Variants in GRAMD4 observed in about 807,000 individuals in gnomAD.
The protein encoded by GRAMD4 is GRAM domain containing 4, also known as GRAM domain-containing protein 4.
Under a neutral mutation model 83.9 loss-of-function variants are expected in GRAMD4, and 25 were observed. The observed-to-expected ratio is 0.30, with a 90% confidence interval of 0.22 to 0.42. The LOEUF (loss-of-function observed/expected upper bound fraction) is 0.42, where lower values mean the gene tolerates loss of function less well. Ranked by LOEUF, GRAMD4 falls within the 10% of genes least tolerant of loss-of-function variation. The probability of loss-of-function intolerance (pLI) is 1.00; values close to 1 mark genes in which losing one functional copy is unlikely to be tolerated. For missense variants in GRAMD4, 593 were observed against 788.7 expected, an observed-to-expected ratio of 0.75 and a Z score of 2.97; for synonymous variants, 336 against 320.9, an observed-to-expected ratio of 1.05 and a Z score of -0.50.
At chr22:46,646,888 T>G (rs2082079847) in intron 3 of GRAMD4, among the ~76,000 whole-genome samples, 1 of 152,130 alleles carries the variant, frequency 6.6e-6, no homozygotes, top group Non-Finnish European at 1.5e-5. Flanking sequence ...GAGGAGCAAG[T>G]CACATCTTAC....
At chr22:46,658,654 C>T (rs1052132627) in intron 4 of GRAMD4, among the ~76,000 whole-genome samples, 11 of 152,106 alleles carry the variant, frequency 7.2e-5, no homozygotes, top group African/African-American at 1.2e-4. Context: ...GCTCTGATCC[C>T]GGCCTGCTGG....
chr22:46,656,847 T>C (rs2147319336), intron 3 of GRAMD4, among the ~76,000 whole-genome samples: 1 of 152,362 alleles, frequency 6.6e-6, no homozygotes, highest in Non-Finnish European at 1.5e-5. Context: ...GTCCGCCCCA[T>C]GGTCAGTGTG....
At chr22:46,584,749 CAGG>C (rs1380792371) in intron 1 of GRAMD4, among the ~76,000 whole-genome samples, 3 of 152,178 alleles carry the variant, frequency 2.0e-5, no homozygotes, top group Non-Finnish European at 4.4e-5. Context: ...AGGGAGGCTG[CAGG>C]AGAACCAGGG....
intron 1 of GRAMD4, among the ~76,000 whole-genome samples, chr22:46,605,640 G>A (rs1318747319): frequency 4.6e-5 from 7 of 152,248 alleles, no homozygotes; most frequent in South Asian, 2.1e-4. Flanking sequence ...GATCATGGCC[G>A]TCCTAATGGG....
intron 3 of GRAMD4, among the ~76,000 whole-genome samples, chr22:46,655,351 GA>G (rs1373958356): frequency 6.6e-6 from 1 of 152,176 alleles, no homozygotes. Flanking sequence ...TTCTAAGCGG[GA>G]AAGCAACAAG....
chr22:46,635,919 A>G (rs963114543), intron 2 of GRAMD4, among the ~76,000 whole-genome samples: 1 of 152,120 alleles, frequency 6.6e-6, no homozygotes, highest in African/African-American at 2.4e-5. Flanking sequence ...AGGGCAGTGC[A>G]GGGGTCCAGC....
intron 1 of GRAMD4, among the ~76,000 whole-genome samples, chr22:46,597,512 C>A (rs367915516): frequency 6.6e-6 from 1 of 152,104 alleles, no homozygotes; most frequent in African/African-American, 2.4e-5. Flanking sequence ...TTTTTTGAGA[C>A]GGAGTCTCGC....
In GRAMD4 at chr22:46,678,942, G is replaced by A. The variant is rs1329995544; in HGVS notation, c.*1691G>A. Reference sequence around the variant, plus strand: ...GACGTTGGCGTCAGGATGACCACACGGCGGCCTTTCCCGAATGGGGACAGA... The same window carrying A: ...GACGTTGGCGTCAGGATGACCACACAGCGGCCTTTCCCGAATGGGGACAGA... On this transcript the variant is annotated 3_prime_UTR_variant, in exon 19 of 19. Transcript: ENST00000406902. The A allele has an allele frequency of 1.3e-5, 13 of 985,722 alleles. No homozygotes were observed. The highest frequency in any genetic ancestry group is 1.0e-4 in the African/African-American group (6 of 57,238). The allele number at this position is 985,722 out of a possible 1,614,324, so 61.1% of individuals were successfully genotyped here.
chr22:46,673,521 G>A, intron 14 of GRAMD4, 149 bp from the exon 15 acceptor site: 3 of 975,128 alleles, frequency 3.1e-6, no homozygotes, highest in South Asian at 1.5e-5. Context: ...CTGCCTGGAA[G>A]AAGGAGCCGC....
At chr22:46,600,059 G>T (rs971424635) in intron 1 of GRAMD4, among the ~76,000 whole-genome samples, 1 of 152,204 alleles carries the variant, frequency 6.6e-6, no homozygotes, top group African/African-American at 2.4e-5. Flanking sequence ...GCGGAGAGTG[G>T]AAGAGTCCTT....
intron 1 of GRAMD4, among the ~76,000 whole-genome samples, chr22:46,607,279 G>A (rs571771767): frequency 4.6e-5 from 7 of 152,078 alleles, no homozygotes; most frequent in Non-Finnish European, 8.8e-5. Flanking sequence ...AACCAACATG[G>A]CACGTGCATA....
exon 1 of GRAMD4, chr22:46,577,276 C>A (rs1485216876): frequency 1.0e-6 from 1 of 979,412 alleles, no homozygotes; most frequent in Admixed American, 6.4e-5. Context: ...GAGTTGGCCC[C>A]GATATCCGCT....
At chr22:46,624,204 C>T (rs2081619182) in intron 1 of GRAMD4, among the ~76,000 whole-genome samples, 1 of 142,014 alleles carries the variant, frequency 7.0e-6, no homozygotes, top group Admixed American at 7.0e-5. Context: ...GAGCTTTTTA[C>T]TTTTGCCTGG....
intron 3 of GRAMD4, among the ~76,000 whole-genome samples, chr22:46,655,617 G>A (rs1309801798): frequency 6.6e-6 from 1 of 152,204 alleles, no homozygotes; most frequent in Non-Finnish European, 1.5e-5. Flanking sequence ...AGAGGGCTGG[G>A]GGGTAGCTCC....
intron 1 of GRAMD4, among the ~76,000 whole-genome samples, chr22:46,609,112 A>AC (rs1555956654): frequency 2.0e-5 from 3 of 151,124 alleles, no homozygotes; most frequent in African/African-American, 7.3e-5. Flanking sequence ...CTAAAAAAAA[A>AC]AACAACAACA....
rs534831839 is a variant in GRAMD4 at position 46,635,741 on chromosome 22, C to G, written c.163-2099C>G. ...CTCCTGTCCTGGGGGCCCGTGTCCT[C>G]CCTGCCCCCCGCCCCTGGCCACTCC... is the stretch of plus-strand genomic sequence containing the variant. On this transcript the variant is annotated intron_variant, in intron 2 of 18. Transcript: ENST00000406902. 3.0e-3 allele frequency among the ~76,000 whole-genome samples: 217 copies of G among 71,586 alleles called. 10 individuals carry two copies. Among genetic ancestry groups the G allele is most frequent in the Non-Finnish European group, 5.2e-3 (165 of 31,830 alleles). The allele number at this position is 71,586 out of a possible 152,430, so 47.0% of individuals were successfully genotyped here. A position where few individuals can be genotyped will look rare whatever the true frequency, so the allele number is the denominator to read the frequency against.
At chr22:46,614,948 CAT>C (rs2081459481) in intron 1 of GRAMD4, among the ~76,000 whole-genome samples, 1 of 130,144 alleles carries the variant, frequency 7.7e-6, no homozygotes, top group African/African-American at 3.0e-5. Flanking sequence ...TTCCCCTGTG[CAT>C]GTAGGTTCCC....
chr22:46,621,127 G>A lies in GRAMD4; in HGVS notation c.-50+562G>A, dbSNP rs1295800425. Among the ~76,000 whole-genome samples the A allele has an allele frequency of 2.6e-5, 4 of 152,256 alleles. No homozygotes were observed. The East Asian group carries it at 5.8e-4, about 22-fold the overall frequency. ...AAGTGGGGAGGGCAGGGGCCGTCTG[G>A]TTGGGGATGCGCGGCTGCAGCACGC... On this transcript the variant is annotated intron_variant, in intron 1 of 18. Transcript: ENST00000406902. This position sits in a 1 kb window ranked among gnomAD's most constrained non-coding sequence, Gnocchi z 5.8.
chr22:46,636,853 G>C (rs182659716), intron 2 of GRAMD4, among the ~76,000 whole-genome samples: 1 of 152,236 alleles, frequency 6.6e-6, no homozygotes. Context: ...TCCAGGCATC[G>C]GGCAGCTGTA....
Sources: allele counts gnomAD v4.1 joint callset (sites outside exome capture counted in the v4.1 genomes callset), GRCh38; gene constraint gnomAD v4.1.1; non-coding constraint Gnocchi (gnomAD v3.1); transcripts MANE v1.5; gene names NCBI Gene and HGNC (gene_info 2026-07-23, HGNC 2026-07-21).